DCLK3: variants seen among roughly 807,000 people sequenced by gnomAD.
DCLK3 encodes serine/threonine-protein kinase DCLK3.
A neutral mutation model predicts 46.4 loss-of-function variants in DCLK3; 30 were observed. The ratio of observed to expected loss-of-function variants is 0.65; its 90% CI spans 0.48 to 0.88. The LOEUF is 0.88. Ranked by LOEUF, DCLK3 falls within the 40% of genes least tolerant of loss-of-function variation. The pLI is 0.00. For synonymous variants in DCLK3, 401 were observed against 339.2 expected (o/e 1.18, Z -2.00); for missense variants, 846 against 907.1 (o/e 0.93, Z 0.87).
At chr3:36,749,430 G>A (rs144170343) in intron 1 of DCLK3, among the ~76,000 whole-genome samples, 22 of 152,334 alleles carry the variant, frequency 1.4e-4, no homozygotes, top group African/African-American at 4.3e-4. Context: ...AGGCTAGACA[G>A]ACCCTCACCA....
chr3:36,718,187 C>A lies in DCLK3; in HGVS notation c.2093-10G>T. 1 of 1,613,634 alleles carries A rather than the reference C, an allele frequency of 6.2e-7. No homozygotes were observed. Among genetic ancestry groups the A allele is most frequent in the Non-Finnish European group, 8.5e-7 (1 of 1,179,968 alleles). On this transcript the variant is annotated splice_polypyrimidine_tract_variant and intron_variant, in intron 3 of 4. Transcript: ENST00000636136. ...ACCTCCAGTCCATAACCTGCGCAGA[C>A]AGAGGCAGAGACACAAGCAAACCTG... is the stretch of plus-strand genomic sequence containing the variant.
At chr3:36,753,043 C>T (rs1030036878) in intron 1 of DCLK3, among the ~76,000 whole-genome samples, 6 of 152,168 alleles carry the variant, frequency 3.9e-5, no homozygotes, top group Middle Eastern at 6.8e-3. Context: ...ACTGTAAGAA[C>T]ATTTAAGAAA....
At chr3:36,717,970 C>A in intron 4 of DCLK3, 40 bp downstream of exon 4, 1 of 1,612,014 alleles carries the variant, frequency 6.2e-7, no homozygotes, top group Non-Finnish European at 8.5e-7. Flanking sequence ...CTGAAAAACC[C>A]ATCCGCTCCT....
chr3:36,742,439 G>T (rs997483261), intron 1 of DCLK3, among the ~76,000 whole-genome samples: 2 of 152,168 alleles, frequency 1.3e-5, no homozygotes, highest in Admixed American at 6.5e-5. Context: ...CCATCCCAGG[G>T]CATGGCGTAA....
rs749460688 is a variant in DCLK3, at chr3:36,738,817, C to T, written c.350G>A (p.Arg117Gln). The change falls in exon 2 of 5, where the codon CGA (arginine) becomes CAA (glutamine). Residue 117 changes from arginine (R) to glutamine (Q), a missense_variant. Physicochemically the swap from Arg to Gln is conservative, Grantham distance 43. This residue lies in a region of DCLK3 where 553 missense variants were observed against 543.0 expected (regional missense o/e 1.02). Transcript: ENST00000636136. ...PRKITLLLNR[R>Q]SVQTFEQLLA... Reference sequence around the variant, plus strand: ...GAGCTGCTCGAACGTCTGCACTGATCGCCTGTTGAGGAGCAGAGTGATCTT... The same window carrying T: ...GAGCTGCTCGAACGTCTGCACTGATTGCCTGTTGAGGAGCAGAGTGATCTT... 230 of 938,044 alleles carry T rather than the reference C, an allele frequency of 2.5e-4. No individual in the cohort carries two copies. Among genetic ancestry groups the T allele is most frequent in the Non-Finnish European group, 3.2e-4 (224 of 698,488 alleles). The allele number at this position is 938,044 out of a possible 1,614,324, so 58.1% of individuals were successfully genotyped here. A position where few individuals can be genotyped will look rare whatever the true frequency, so the allele number is the denominator to read the frequency against.
chr3:36,742,594 C>T (rs1172938303), intron 1 of DCLK3, among the ~76,000 whole-genome samples: 1 of 152,220 alleles, frequency 6.6e-6, no homozygotes, highest in Non-Finnish European at 1.5e-5. Context: ...CTCAGCATAA[C>T]TGGGTCCTAC....
chr3:36,721,280 AACAC>A (rs3034440), intron 3 of DCLK3, among the ~76,000 whole-genome samples: 29 of 150,076 alleles, frequency 1.9e-4, no homozygotes, highest in Non-Finnish European at 3.3e-4. Context: ...AAACACAATA[AACAC>A]ACACACACAC....
intron 1 of DCLK3, among the ~76,000 whole-genome samples, chr3:36,747,380 A>G (rs1377245138): frequency 6.6e-6 from 1 of 152,062 alleles, no homozygotes; most frequent in African/African-American, 2.4e-5. Context: ...AAGAATGATA[A>G]ACTTGTAGAA....
At chr3:36,748,320 G>A (rs1003366587) in intron 1 of DCLK3, among the ~76,000 whole-genome samples, 1 of 152,182 alleles carries the variant, frequency 6.6e-6, no homozygotes, top group African/African-American at 2.4e-5. Context: ...AGAACAGCTG[G>A]TTTAAGTGTT....
chr3:36,743,385 C>CA (rs1701366753), intron 1 of DCLK3, among the ~76,000 whole-genome samples: 1 of 151,874 alleles, frequency 6.6e-6, no homozygotes, highest in African/African-American at 2.4e-5. Flanking sequence ...GAGACTCACT[C>CA]AACCTGTATA....
chr3:36,751,577 T>C (rs552024119), intron 1 of DCLK3, among the ~76,000 whole-genome samples: 1 of 152,356 alleles, frequency 6.6e-6, no homozygotes, highest in African/African-American at 2.4e-5. Flanking sequence ...TTTGAAAGCA[T>C]CAGACACAAA....
chr3:36,760,295 G>C (rs543049196), intron 1 of DCLK3, among the ~76,000 whole-genome samples: 3 of 152,268 alleles, frequency 2.0e-5, no homozygotes, highest in Admixed American at 6.5e-5. Flanking sequence ...CTCAAAATGT[G>C]GTCCCTAAAG....
At position 36,715,320 on chromosome 3, in the gene DCLK3, G is replaced by A; in HGVS notation, c.*8C>T. The A allele has an allele frequency of 6.2e-7, 1 of 1,614,002 alleles. No individual in the cohort carries two copies. Among genetic ancestry groups the A allele is most frequent in the Non-Finnish European group, 8.5e-7 (1 of 1,179,982 alleles). ...AACTGGGGGCTGGACAGATTCCCAA[G>A]GTGGTGACTATGATACCTGCTCCAC... is the stretch of plus-strand genomic sequence containing the variant. On this transcript the variant is annotated 3_prime_UTR_variant, in exon 5 of 5. Coordinates refer to ENST00000636136, the MANE Select transcript of DCLK3 (RefSeq NM_001394672.2).
Position 36,714,415 on chromosome 3 carries a change from C to G in DCLK3, c.*913G>C, listed in dbSNP as rs541038458. On this transcript the variant is annotated 3_prime_UTR_variant, in exon 5 of 5. Transcript: ENST00000636136. The stretch of plus-strand genomic sequence containing the variant: ...AGACTCCCAGAATCATCTGCAAAGA[C>G]CAATATTTCAGCACAGAAATCTGGA... The G allele has an allele frequency of 7.9e-5, 12 of 152,318 alleles. No homozygotes were observed. The highest frequency in any genetic ancestry group is 5.9e-4 in the Admixed American group (9 of 15,300). The allele number at this position is 152,318 out of a possible 1,614,324, so 9.4% of individuals were successfully genotyped here.
intron 3 of DCLK3, among the ~76,000 whole-genome samples, chr3:36,719,605 CTCCTCAAGAATCTG>C (rs1186845510): frequency 6.6e-6 from 1 of 152,188 alleles, no homozygotes; most frequent in African/African-American, 2.4e-5. Context: ...AGCTCTTGGC[CTCCTCAAGAATCTG>C]TCCTTGGCTC....
chr3:36,744,316 A>G (rs1336880506), intron 1 of DCLK3, among the ~76,000 whole-genome samples: 1 of 152,250 alleles, frequency 6.6e-6, no homozygotes, highest in African/African-American at 2.4e-5. Context: ...GACCTCCTGA[A>G]TACATTAGAT....
intron 4 of DCLK3, among the ~76,000 whole-genome samples, chr3:36,716,555 AG>A (rs1449134642): frequency 6.6e-6 from 1 of 152,234 alleles, no homozygotes; most frequent in Non-Finnish European, 1.5e-5. Context: ...CTTGTGTACA[AG>A]TGTGGACAAC....
At chr3:36,751,398 T>C (rs1701440450) in intron 1 of DCLK3, among the ~76,000 whole-genome samples, 1 of 152,184 alleles carries the variant, frequency 6.6e-6, no homozygotes, top group Admixed American at 6.5e-5. Flanking sequence ...GCTGTAAAGA[T>C]TGTAATGAGA....
intron 1 of DCLK3, among the ~76,000 whole-genome samples, chr3:36,752,266 A>G (rs1208177791): frequency 6.6e-6 from 1 of 152,178 alleles, no homozygotes; most frequent in Non-Finnish European, 1.5e-5. Context: ...CCATGGTACA[A>G]TGCATGTTCC....
Sources: gnomAD v4.1 joint callset for allele counts (sites outside exome capture counted in the v4.1 genomes callset) on GRCh38, gnomAD v4.1.1 for gene constraint, gnomAD v4.1.1 regional missense constraint, MANE v1.5 for transcripts, NCBI Gene and HGNC (gene_info 2026-07-23, HGNC 2026-07-21) for gene names.